Variants in ADAM19 observed in about 807,000 individuals in gnomAD.
The protein encoded by ADAM19 is ADAM metallopeptidase domain 19.
Under a neutral mutation model 114.7 loss-of-function variants are expected in ADAM19, and 65 were observed. That is an observed-to-expected ratio of 0.57 (90% CI 0.46 to 0.70). The LOEUF (loss-of-function observed/expected upper bound fraction) is 0.70. Ranked by LOEUF, ADAM19 falls within the 30% of genes least tolerant of loss-of-function variation. The probability of loss-of-function intolerance (pLI) is 0.00; values close to 1 mark genes in which losing one functional copy is unlikely to be tolerated. For synonymous variants in ADAM19, 466 were observed against 460.5 expected (o/e 1.01, Z -0.15); for missense variants, 1,063 against 1,204.7 (o/e 0.88, Z 1.74).
chr5:157,504,843 A>AGCCGG (rs112325689), intron 11 of ADAM19, among the ~76,000 whole-genome samples: 63,044 of 151,198 alleles, frequency 0.42, 14,191 homozygotes, highest in African/African-American at 0.59. Flanking sequence ...CCTCATGTCC[A>AGCCGG]GCGCGGTGGC....
Position 157,477,462 on chromosome 5 carries a change from C to A in ADAM19, c.*3487G>T. The A allele has an allele frequency of 1.9e-6, 2 of 1,035,448 alleles. No individual in the cohort carries two copies. Among genetic ancestry groups the A allele is most frequent in the South Asian group, 6.9e-5 (2 of 29,126 alleles). The allele number at this position is 1,035,448 out of a possible 1,614,324, so 64.1% of individuals were successfully genotyped here. ...GATCTGTTTTCCGTGAACAATCTCC[C>A]AAATAAAAAGAAAATTCACATTGCC... is the stretch of plus-strand genomic sequence containing the variant. On this transcript the variant is annotated 3_prime_UTR_variant, in exon 23 of 23. Coordinates refer to ENST00000257527, the MANE Select transcript of ADAM19 (RefSeq NM_033274.5).
At chr5:157,533,153 A>T (rs1177224207) in intron 4 of ADAM19, among the ~76,000 whole-genome samples, 3 of 152,182 alleles carry the variant, frequency 2.0e-5, no homozygotes, top group Non-Finnish European at 4.4e-5. Flanking sequence ...CTGACACTCA[A>T]CACGGCCTCG....
chr5:157,548,004 C>T (rs993852935), intron 3 of ADAM19, among the ~76,000 whole-genome samples: 2 of 152,196 alleles, frequency 1.3e-5, no homozygotes, highest in African/African-American at 4.8e-5. Context: ...CATTTCCTTC[C>T]TCCTGCTCTC....
At chr5:157,535,087 G>A (rs1229745862) in intron 4 of ADAM19, among the ~76,000 whole-genome samples, 1 of 152,164 alleles carries the variant, frequency 6.6e-6, no homozygotes, top group Non-Finnish European at 1.5e-5. Context: ...ATAAAAATTA[G>A]TGATTCATCT....
intron 21 of ADAM19, among the ~76,000 whole-genome samples, chr5:157,482,988 T>C (rs1754805117): frequency 6.6e-6 from 1 of 151,538 alleles, no homozygotes; most frequent in South Asian, 2.1e-4. Context: ...TTCTCACTCA[T>C]AAGTGGGAGA....
chr5:157,495,326 T>G (rs997581542), intron 14 of ADAM19, among the ~76,000 whole-genome samples: 1 of 152,088 alleles, frequency 6.6e-6, no homozygotes, highest in Non-Finnish European at 1.5e-5. Flanking sequence ...CTTCCTACCT[T>G]ATTGAGGATT....
chr5:157,539,584 T>C (rs1458160207), intron 3 of ADAM19, among the ~76,000 whole-genome samples: 1 of 152,106 alleles, frequency 6.6e-6, no homozygotes, highest in African/African-American at 2.4e-5. Context: ...CTTCTCGCCT[T>C]GGACAAGAAG....
intron 2 of ADAM19, 175 bp downstream of exon 2, chr5:157,570,720 T>G (rs928230836): frequency 1.8e-5 from 10 of 560,136 alleles, no homozygotes; most frequent in African/African-American, 1.7e-4. Context: ...TTCTAGAAGT[T>G]TGTCATACAA....
rs765314577 is a variant in ADAM19, at chr5:157,564,438, T to G, written c.186A>C (p.Pro62=). The change falls in exon 3 of 23, where the codon CCA becomes CCC. Residue 62 remains proline (P), a synonymous_variant. Coordinates refer to ENST00000257527, the MANE Select transcript of ADAM19 (RefSeq NM_033274.5). The part of the protein sequence containing the change: ...TSESPVREKH[P]LKAELRVMAE... ...CCATTACCCTGAGCTCAGCTTTGAG[T>G]GGATGCTAAAAGCAACAACAAAACA... 2.5e-6 allele frequency: 4 copies of G among 1,614,124 alleles called. No individual in the cohort carries two copies. Among genetic ancestry groups the G allele is most frequent in the South Asian group, 2.2e-5 (2 of 91,074 alleles).
intron 20 of ADAM19, 141 bp downstream of exon 20, chr5:157,488,961 C>T (rs1454459862): frequency 6.3e-6 from 4 of 639,706 alleles, no homozygotes; most frequent in South Asian, 1.8e-5. Context: ...ACCCTGGAGG[C>T]GGAGCTTGCA....
At chr5:157,543,143 C>A (rs13165747) in intron 3 of ADAM19, among the ~76,000 whole-genome samples, 9,638 of 152,262 alleles carry the variant, frequency 0.063, 403 homozygotes, top group South Asian at 0.11. Flanking sequence ...CACACCGCCA[C>A]ACAAATACGT....
At chr5:157,562,043 C>A (rs927100407) in intron 3 of ADAM19, among the ~76,000 whole-genome samples, 1 of 152,132 alleles carries the variant, frequency 6.6e-6, no homozygotes, top group African/African-American at 2.4e-5. Context: ...AACTTCAACA[C>A]AGTGATTTGA....
intron 14 of ADAM19, among the ~76,000 whole-genome samples, chr5:157,496,505 T>C (rs527650167): frequency 5.3e-5 from 8 of 152,360 alleles, no homozygotes; most frequent in Admixed American, 2.6e-4. Flanking sequence ...ATTATTATTA[T>C]CTTAACTTTC....
intron 12 of ADAM19, 120 bp downstream of exon 12, chr5:157,502,683 G>C (rs779601015): frequency 1.4e-5 from 15 of 1,091,354 alleles, no homozygotes; most frequent in Non-Finnish European, 2.0e-5. Flanking sequence ...TGGGGTATTG[G>C]ACAGTTATAT....
intron 3 of ADAM19, among the ~76,000 whole-genome samples, chr5:157,556,158 T>G (rs1419371066): frequency 1.3e-5 from 2 of 151,428 alleles, no homozygotes; most frequent in African/African-American, 2.4e-5. Flanking sequence ...TCTTCTTTAC[T>G]GCAACCTGTT....
At chr5:157,512,325 A>T (rs1202015744) in intron 8 of ADAM19, among the ~76,000 whole-genome samples, 4 of 152,198 alleles carry the variant, frequency 2.6e-5, no homozygotes, top group Middle Eastern at 6.3e-3. Flanking sequence ...AATCCCTAAA[A>T]CATATTTTAA....
intron 4 of ADAM19, among the ~76,000 whole-genome samples, chr5:157,535,793 A>G (rs2113761249): frequency 6.6e-6 from 1 of 152,360 alleles, no homozygotes; most frequent in South Asian, 2.1e-4. Context: ...CATAGCAGGA[A>G]GCGTGAGCTC....
chr5:157,495,551 A>C (rs1300213960), intron 14 of ADAM19, among the ~76,000 whole-genome samples: 1 of 152,224 alleles, frequency 6.6e-6, no homozygotes, highest in Non-Finnish European at 1.5e-5. Flanking sequence ...AAGATACTTA[A>C]ATCTCTAATT....
chr5:157,551,331 A>G (rs550980299), intron 3 of ADAM19, among the ~76,000 whole-genome samples: 1 of 150,100 alleles, frequency 6.7e-6, no homozygotes, highest in African/African-American at 2.4e-5. Flanking sequence ...TTGAACCAAG[A>G]AGGCAGTGGC....
Sources: allele counts gnomAD v4.1 joint callset (sites outside exome capture counted in the v4.1 genomes callset), GRCh38; gene constraint gnomAD v4.1.1; transcripts MANE v1.5; gene names NCBI Gene and HGNC (gene_info 2026-07-23, HGNC 2026-07-21).